Variants in RANBP3 observed in about 807,000 individuals in gnomAD.
The protein encoded by RANBP3 is RAN binding protein 3, also known as ran-binding protein 3.
A neutral mutation model predicts 77.3 loss-of-function variants in RANBP3; 14 were observed. The observed-to-expected ratio is 0.18, with a 90% CI of 0.12 to 0.28. RANBP3 has a LOEUF of 0.28. Ranked by LOEUF, RANBP3 falls within the 10% of genes least tolerant of loss-of-function variation. The pLI, the probability that RANBP3 is intolerant of heterozygous loss-of-function variation, is 1.00. For missense variants in RANBP3, 586 were observed against 752.3 expected, an observed-to-expected ratio of 0.78 and a Z score of 2.59; for synonymous variants, 315 against 312.4, an observed-to-expected ratio of 1.01 and a Z score of -0.09.
At chr19:5,923,387 G>A in intron 12 of RANBP3, 84 bp from the exon 13 acceptor site, 1 of 1,385,122 alleles carries the variant, frequency 7.2e-7, no homozygotes, top group Non-Finnish European at 1.0e-6. Context: ...AGATGAGAGG[G>A]TTGGTTCTGG....
At chr19:5,919,326 C>A (rs2057787380) in intron 14 of RANBP3, among the ~76,000 whole-genome samples, 1 of 152,256 alleles carries the variant, frequency 6.6e-6, no homozygotes, top group Admixed American at 6.5e-5. Context: ...CTGCCAGCCG[C>A]CTCTCCCCAC....
At chr19:5,972,246 T>C (rs539567264) in intron 1 of RANBP3, among the ~76,000 whole-genome samples, 1 of 152,304 alleles carries the variant, frequency 6.6e-6, no homozygotes, top group African/African-American at 2.4e-5. Flanking sequence ...GGCAGCAGTT[T>C]TGATTTTCCC....
intron 1 of RANBP3, among the ~76,000 whole-genome samples, chr19:5,961,732 T>TCAAAA (rs3068973): frequency 0.21 from 30,618 of 149,206 alleles, 3,549 homozygotes; most frequent in African/African-American, 0.3. Flanking sequence ...AAACTCTGTC[T>TCAAAA]CAAAACAAAA....
intron 7 of RANBP3, among the ~76,000 whole-genome samples, chr19:5,931,736 C>T (rs1180421535): frequency 6.6e-6 from 1 of 152,076 alleles, no homozygotes; most frequent in Non-Finnish European, 1.5e-5. Flanking sequence ...GAGAAACAAA[C>T]AAAAAAGAGA....
At chr19:5,941,174 TTGTGTGTACATGCG>T (rs920263690) in intron 5 of RANBP3, among the ~76,000 whole-genome samples, 2 of 152,200 alleles carry the variant, frequency 1.3e-5, no homozygotes, top group Non-Finnish European at 2.9e-5. Context: ...GTGTGCATGC[TTGTGTGTACATGCG>T]TGTGTGTGTC....
intron 5 of RANBP3, among the ~76,000 whole-genome samples, chr19:5,937,155 G>A (rs1353488624): frequency 1.3e-5 from 2 of 151,230 alleles, no homozygotes; most frequent in African/African-American, 4.9e-5. Flanking sequence ...CGCGAACACT[G>A]GAGGGCAGGA....
intron 9 of RANBP3, among the ~76,000 whole-genome samples, chr19:5,927,320 C>A (rs1441452827): frequency 1.3e-5 from 2 of 152,178 alleles, no homozygotes; most frequent in African/African-American, 4.8e-5. Flanking sequence ...CAAGAGGTGG[C>A]AGACGCTTTG....
rs747155100 is a variant in RANBP3, at chr19:5,917,471, C to A, written c.*139G>T. On this transcript the variant is annotated 3_prime_UTR_variant, in exon 17 of 17. Transcript: ENST00000340578. ...CGAGTCTGCTTTTGAACAGGACGTGCGGGTCCAGACTGTGGCCGGCCCAGT... is the reference window on the plus strand; with the variant it reads ...CGAGTCTGCTTTTGAACAGGACGTGAGGGTCCAGACTGTGGCCGGCCCAGT... 1.3e-5 allele frequency: 12 copies of A among 936,580 alleles called. No homozygotes were observed. Among genetic ancestry groups the A allele is most frequent in the African/African-American group, 5.0e-5 (3 of 59,554 alleles). The allele number at this position is 936,580 out of a possible 1,614,324, so 58.0% of individuals were successfully genotyped here.
chr19:5,957,883 T>C (rs2145211374), intron 2 of RANBP3, 35 bp downstream of exon 2: 3 of 1,608,830 alleles, frequency 1.9e-6, no homozygotes, highest in Non-Finnish European at 2.6e-6. Flanking sequence ...CAAATTAGAG[T>C]AACGAAGTGA....
chr19:5,956,057 T>C (rs371618428), intron 2 of RANBP3, among the ~76,000 whole-genome samples: 6 of 152,270 alleles, frequency 3.9e-5, no homozygotes, highest in East Asian at 1.9e-4. Context: ...CAGTGAATTA[T>C]GATCACGATC....
chr19:5,929,651 C>T (rs781753025), intron 8 of RANBP3, among the ~76,000 whole-genome samples: 2 of 152,218 alleles, frequency 1.3e-5, no homozygotes, highest in Non-Finnish European at 1.5e-5. Flanking sequence ...CCCCATGGGT[C>T]GCCCCCAACA....
intron 2 of RANBP3, among the ~76,000 whole-genome samples, chr19:5,955,326 G>C (rs991621468): frequency 4.6e-5 from 7 of 152,056 alleles, no homozygotes; most frequent in Non-Finnish European, 8.8e-5. Context: ...CAGGCTGGTT[G>C]AACTCCTGAC....
chr19:5,928,026 T>G lies in RANBP3; in HGVS notation c.755A>C (p.Lys252Thr), dbSNP rs760373341. Reference sequence around the variant, plus strand: ...AAAGGCTTGCTGTGTGGCGGGGTCTTTTTTCTCACAGGCTTCCTCTTCAGA... The same window carrying G: ...AAAGGCTTGCTGTGTGGCGGGGTCTGTTTTCTCACAGGCTTCCTCTTCAGA... ...NASEEEACEK[K>T]DPATQQAFVF... The change falls in exon 9 of 17, where the codon AAA becomes ACA. Residue 252 changes from lysine to threonine, a missense_variant. Lys to Thr is a moderately conservative substitution (Grantham distance 78, BLOSUM62 -1). Around this residue, in one of 5 missense-constraint regions of RANBP3, gnomAD observed 232 missense variants for 271.7 expected, o/e 0.85. Coordinates refer to ENST00000340578, the MANE Select transcript of RANBP3 (RefSeq NM_007322.3). The G allele has an allele frequency of 6.2e-7, 1 of 1,613,950 alleles. No individual in the cohort carries two copies.
chr19:5,950,907 A>C, intron 3 of RANBP3: 1 of 173,248 alleles, frequency 5.8e-6, no homozygotes, highest in South Asian at 1.1e-4. Context: ...TCACTGCCTT[A>C]ACCACAGTCC....
In RANBP3 at chr19:5,957,962, T is replaced by C. The variant is rs759527085; in HGVS notation, c.34A>G (p.Ile12Val). Residue 12 changes from isoleucine to valine, a missense_variant, in exon 2 of 17, where the codon ATT becomes GTT. Physicochemically the swap from Ile to Val is conservative, Grantham distance 29 (BLOSUM62 3). Coordinates refer to ENST00000340578, the MANE Select transcript of RANBP3 (RefSeq NM_007322.3). ...ADLANEEKPAIAPPVFVFQKD... is the reference protein window; with the variant it reads ...ADLANEEKPAVAPPVFVFQKD... ...TGAAACACAAAGACGGGCGGAGCAATGGCAGGCTTTTCTGCAAAAAGAAAA... is the reference window on the plus strand; with the variant it reads ...TGAAACACAAAGACGGGCGGAGCAACGGCAGGCTTTTCTGCAAAAAGAAAA... The C allele has an allele frequency of 2.5e-6, 4 of 1,614,060 alleles. No individual in the cohort carries two copies. Among genetic ancestry groups the C allele is most frequent in the Non-Finnish European group, 3.4e-6 (4 of 1,180,038 alleles).
At chr19:5,967,638 G>C (rs560147923) in intron 1 of RANBP3, among the ~76,000 whole-genome samples, 1 of 151,914 alleles carries the variant, frequency 6.6e-6, no homozygotes, top group African/African-American at 2.4e-5. Flanking sequence ...CCACTCCTGC[G>C]CCACCCAGAC....
intron 2 of RANBP3, among the ~76,000 whole-genome samples, chr19:5,953,412 C>G (rs142711718): frequency 2.0e-5 from 3 of 152,320 alleles, no homozygotes; most frequent in East Asian, 1.9e-4. Flanking sequence ...CAGGGCTAAG[C>G]TCATCACACC....
chr19:5,961,741 A>AACAAG (rs1441385046), intron 1 of RANBP3, among the ~76,000 whole-genome samples: 1 of 150,812 alleles, frequency 6.6e-6, no homozygotes, highest in Non-Finnish European at 1.5e-5. Flanking sequence ...CTCAAAACAA[A>AACAAG]ACAAAACAAA....
At chr19:5,967,469 G>T (rs1190879178) in intron 1 of RANBP3, among the ~76,000 whole-genome samples, 1 of 152,112 alleles carries the variant, frequency 6.6e-6, no homozygotes, top group Admixed American at 6.6e-5. Flanking sequence ...GCCTTTACTG[G>T]ACTCCGAGGT....
Sources: allele counts gnomAD v4.1 joint callset (sites outside exome capture counted in the v4.1 genomes callset), GRCh38; gene constraint gnomAD v4.1.1; regional missense constraint gnomAD v4.1.1; transcripts MANE v1.5; gene names NCBI Gene and HGNC (gene_info 2026-07-23, HGNC 2026-07-21).